Variants in SLC22A25 observed in about 807,000 individuals in gnomAD.
The protein encoded by SLC22A25 is MGI:2442751, MGI:2385316, MGI:3042283, MGI:3645714, MGI:3605624, MGI:2442750.
SLC22A25 carries 44 observed loss-of-function variants against 45.9 expected under a neutral mutation model. The ratio of observed to expected loss-of-function variants is 0.96; its 90% CI spans 0.75 to 1.23. The LOEUF (loss-of-function observed/expected upper bound fraction) is 1.23. SLC22A25 is among the 50% of genes most tolerant of loss of function. The pLI is 0.00. For missense variants in SLC22A25, 800 were observed against 666.4 expected, an observed-to-expected ratio of 1.20 and a Z score of -2.21; for synonymous variants, 283 against 238.6, an observed-to-expected ratio of 1.19 and a Z score of -1.72.
chr11:63,185,528 A>ATTTTTCT (rs1554972313), intron 7 of SLC22A25, among the ~76,000 whole-genome samples: 8 of 146,764 alleles, frequency 5.5e-5, no homozygotes, highest in Admixed American at 4.1e-4. Flanking sequence ...TTCTTTTTTT[A>ATTTTTCT]TTTTTATTTT....
intron 8 of SLC22A25, among the ~76,000 whole-genome samples, chr11:63,182,639 TG>T (rs1050401246): frequency 6.6e-6 from 1 of 152,094 alleles, no homozygotes; most frequent in Non-Finnish European, 1.5e-5. Flanking sequence ...GTCTCTGCAA[TG>T]GGTTCATCTC....
At chr11:63,199,536 C>A (rs2089171276) in intron 7 of SLC22A25, among the ~76,000 whole-genome samples, 1 of 152,056 alleles carries the variant, frequency 6.6e-6, no homozygotes, top group Admixed American at 6.6e-5. Context: ...ATGCCTACTT[C>A]TCAGCCTCCC....
intron 5 of SLC22A25, among the ~76,000 whole-genome samples, chr11:63,222,280 T>G (rs1046472498): frequency 6.6e-6 from 1 of 152,112 alleles, no homozygotes; most frequent in African/African-American, 2.4e-5. Context: ...CTTTCCATTT[T>G]TGGTGTCCCA....
chr11:63,194,745 C>T (rs941021693), intron 7 of SLC22A25, among the ~76,000 whole-genome samples: 3 of 150,940 alleles, frequency 2.0e-5, no homozygotes, highest in East Asian at 1.9e-4. Context: ...CACTAAATGC[C>T]CCAGTTAAAA....
At chr11:63,188,434 C>G (rs540679608) in intron 7 of SLC22A25, among the ~76,000 whole-genome samples, 6 of 152,142 alleles carry the variant, frequency 3.9e-5, no homozygotes, top group East Asian at 1.9e-4. Context: ...ATTCTTCTCT[C>G]TTTTCTTCTT....
At chr11:63,241,399 C>T (rs917257567) in intron 1 of SLC22A25, among the ~76,000 whole-genome samples, 5 of 152,106 alleles carry the variant, frequency 3.3e-5, no homozygotes, top group South Asian at 2.1e-4. Flanking sequence ...CCTTCTTCCA[C>T]GGTGTTCCAT....
Position 63,229,742 on chromosome 11 carries a change from C to G in SLC22A25, c.-90G>C. On this transcript the variant is annotated 5_prime_UTR_variant, in exon 4 of 12. Coordinates refer to ENST00000306494, the MANE Select transcript of SLC22A25 (RefSeq NM_199352.6). The stretch of plus-strand genomic sequence containing the variant: ...AAATATTTCCTTTCCTTAAATCACA[C>G]TAAGTGTGTGTGTTGATCCTGACCC... 1 of 1,354,444 alleles carries G rather than the reference C, an allele frequency of 7.4e-7. No homozygotes were observed. The highest frequency in any genetic ancestry group is 1.4e-5 in the South Asian group (1 of 69,574). 83.9% of individuals were successfully genotyped at this position (1,354,444 alleles called of 1,614,324 possible).
intron 3 of SLC22A25, among the ~76,000 whole-genome samples, chr11:63,236,395 C>T (rs972937704): frequency 6.6e-6 from 1 of 152,172 alleles, no homozygotes; most frequent in Non-Finnish European, 1.5e-5. Context: ...TCTCAGACTG[C>T]TGTGCTAGCA....
chr11:63,219,912 C>T, intron 5 of SLC22A25: 1 of 1,288,790 alleles, frequency 7.8e-7, no homozygotes, highest in Non-Finnish European at 1.0e-6. Flanking sequence ...GTCATACATT[C>T]AGGGTTTCAG....
intron 5 of SLC22A25, among the ~76,000 whole-genome samples, chr11:63,223,013 C>G (rs1189949497): frequency 6.6e-6 from 1 of 151,926 alleles, no homozygotes; most frequent in Non-Finnish European, 1.5e-5. Context: ...TAATGTGTTG[C>G]TGAATTCAAT....
chr11:63,232,410 T>C (rs895312623), intron 3 of SLC22A25, among the ~76,000 whole-genome samples: 8 of 152,204 alleles, frequency 5.3e-5, no homozygotes, highest in African/African-American at 1.7e-4. Flanking sequence ...GAATGGGAAT[T>C]CACACATGAT....
chr11:63,164,926 T>A (rs921572356), intron 10 of SLC22A25, among the ~76,000 whole-genome samples: 1 of 152,166 alleles, frequency 6.6e-6, no homozygotes, highest in Non-Finnish European at 1.5e-5. Context: ...AAGAGTTTTT[T>A]TTTTGTCTCA....
chr11:63,233,301 T>G (rs1237710610), intron 3 of SLC22A25, among the ~76,000 whole-genome samples: 1 of 152,188 alleles, frequency 6.6e-6, no homozygotes, highest in Non-Finnish European at 1.5e-5. Flanking sequence ...AATTATTGCC[T>G]CAATTTCAGA....
Position 63,229,755 on chromosome 11 carries a change from T to C in SLC22A25, c.-103A>G. On this transcript the variant is annotated 5_prime_UTR_variant, in exon 4 of 12. Transcript: ENST00000306494. Reference sequence around the variant, plus strand: ...CCTTAAATCACACTAAGTGTGTGTGTTGATCCTGACCCCACTCTCTTCTTA... The same window carrying C: ...CCTTAAATCACACTAAGTGTGTGTGCTGATCCTGACCCCACTCTCTTCTTA... The C allele has an allele frequency of 8.1e-7, 1 of 1,227,712 alleles. No homozygotes were observed. Among genetic ancestry groups the C allele is most frequent in the Middle Eastern group, 2.7e-4 (1 of 3,658 alleles). 76.1% of individuals were successfully genotyped at this position (1,227,712 alleles called of 1,614,324 possible). A position where few individuals can be genotyped will look rare whatever the true frequency, so the allele number is the denominator to read the frequency against.
chr11:63,206,220 C>A (rs1204520215), intron 7 of SLC22A25, among the ~76,000 whole-genome samples: 1 of 152,092 alleles, frequency 6.6e-6, no homozygotes, highest in African/African-American at 2.4e-5. Context: ...CTTTGAAAAC[C>A]AGCACAAGAT....
chr11:63,171,597 A>G (rs113277311), intron 9 of SLC22A25, among the ~76,000 whole-genome samples: 3,320 of 152,312 alleles, frequency 0.022, 124 homozygotes, highest in African/African-American at 0.075. Context: ...AATACAACTT[A>G]CAAGGGACGT....
At chr11:63,217,952 A>T in intron 5 of SLC22A25, 1 of 648,910 alleles carries the variant, frequency 1.5e-6, no homozygotes, top group Non-Finnish European at 2.7e-6. Context: ...TTCTTCTCCA[A>T]TCTGTTGCCA....
At chr11:63,213,392 AGTT>A (rs781299347) in intron 7 of SLC22A25, among the ~76,000 whole-genome samples, 2 of 152,146 alleles carry the variant, frequency 1.3e-5, no homozygotes, top group Non-Finnish European at 2.9e-5. Context: ...GTCTTAACTC[AGTT>A]GTTGGGCTGT....
chr11:63,163,670 T>G lies in SLC22A25; in HGVS notation c.*154A>C. ...ACAGGCTGGGCAGAGATGGTCTGTG[T>G]GATCTAGTGAGGCTCAGGGGATGTA... On this transcript the variant is annotated 3_prime_UTR_variant, in exon 12 of 12. Coordinates refer to ENST00000306494, the MANE Select transcript of SLC22A25 (RefSeq NM_199352.6). The G allele has an allele frequency of 8.9e-6, 10 of 1,119,620 alleles. No homozygotes were observed. Among genetic ancestry groups the G allele is most frequent in the African/African-American group, 1.6e-5 (1 of 64,334 alleles). The allele number at this position is 1,119,620 out of a possible 1,614,324, so 69.4% of individuals were successfully genotyped here.
Sources: allele counts gnomAD v4.1 joint callset (sites outside exome capture counted in the v4.1 genomes callset), GRCh38; gene constraint gnomAD v4.1.1; transcripts MANE v1.5; gene names NCBI Gene and HGNC (gene_info 2026-07-23, HGNC 2026-07-21).